MGAT4C: variants seen among roughly 807,000 people sequenced by gnomAD.
MGAT4C encodes the protein MGAT4 family member C, also known as alpha-1,3-mannosyl-glycoprotein 4-beta-N-acetylglucosaminyltransferase C.
Under a neutral mutation model 40.1 loss-of-function variants are expected in MGAT4C, and 19 were observed. That is an observed-to-expected ratio of 0.47 (90% CI 0.33 to 0.70). The LOEUF is 0.70. Among genes scored for constraint, MGAT4C ranks in the 30% least tolerant of loss-of-function variants. MGAT4C has a pLI of 0.02. For synonymous variants in MGAT4C, 181 were observed against 187.1 expected (o/e 0.97, Z 0.27); for missense variants, 491 against 563.2 (o/e 0.87, Z 1.30).
chr12:86,549,657 G>A (rs1283929885), intron 2 of MGAT4C, among the ~76,000 whole-genome samples: 1 of 152,174 alleles, frequency 6.6e-6, no homozygotes, highest in Non-Finnish European at 1.5e-5. Flanking sequence ...GGGTAGCTGA[G>A]TAACGTCAGC....
intron 1 of MGAT4C, among the ~76,000 whole-genome samples, chr12:86,822,790 A>T (rs1413635373): frequency 6.6e-6 from 1 of 151,218 alleles, no homozygotes; most frequent in Non-Finnish European, 1.5e-5. Context: ...AGATGACTTG[A>T]ACAACACTAT....
intron 2 of MGAT4C, among the ~76,000 whole-genome samples, chr12:86,577,807 C>T (rs746262952): frequency 2.0e-5 from 3 of 151,622 alleles, no homozygotes; most frequent in Non-Finnish European, 4.4e-5. Context: ...TTATTAAGTT[C>T]TCAAAACCAC....
At chr12:86,411,778 G>C (rs1479082639) in intron 3 of MGAT4C, among the ~76,000 whole-genome samples, 1 of 152,274 alleles carries the variant, frequency 6.6e-6, no homozygotes, top group Non-Finnish European at 1.5e-5. Context: ...AATGGGTAAA[G>C]GGCCTCAGAG....
At chr12:86,107,494 A>G (rs973530471) in intron 1 of MGAT4C, among the ~76,000 whole-genome samples, 4 of 152,210 alleles carry the variant, frequency 2.6e-5, no homozygotes, top group Admixed American at 2.6e-4. Flanking sequence ...AATAAAATAT[A>G]AAACGTATAT....
intron 1 of MGAT4C, among the ~76,000 whole-genome samples, chr12:86,754,639 A>G (rs1465002242): frequency 6.6e-6 from 1 of 152,146 alleles, no homozygotes; most frequent in African/African-American, 2.4e-5. Flanking sequence ...CCAAATAACT[A>G]TATTTATTGT....
chr12:86,213,045 T>G (rs1950544363), intron 1 of MGAT4C, among the ~76,000 whole-genome samples: 1 of 152,088 alleles, frequency 6.6e-6, no homozygotes, highest in Non-Finnish European at 1.5e-5. Flanking sequence ...CTTGCCATAT[T>G]TCCCAATGGA....
chr12:86,428,733 T>C (rs890877856), intron 3 of MGAT4C, among the ~76,000 whole-genome samples: 1 of 152,190 alleles, frequency 6.6e-6, no homozygotes, highest in East Asian at 1.9e-4. Flanking sequence ...CCATTTCTTA[T>C]ACAATATCCA....
intron 2 of MGAT4C, among the ~76,000 whole-genome samples, chr12:86,569,890 C>T (rs1960291587): frequency 6.6e-6 from 1 of 152,064 alleles, no homozygotes; most frequent in African/African-American, 2.4e-5. Flanking sequence ...CTACCTAAGA[C>T]TATCTAAGAC....
At chr12:86,111,605 G>C (rs1469638361) in intron 1 of MGAT4C, among the ~76,000 whole-genome samples, 2 of 151,810 alleles carry the variant, frequency 1.3e-5, no homozygotes, top group Non-Finnish European at 2.9e-5. Context: ...ATATGTGCTT[G>C]ATTCCCTTGA....
chr12:86,687,091 A>T (rs1950086208), intron 2 of MGAT4C, among the ~76,000 whole-genome samples: 1 of 152,154 alleles, frequency 6.6e-6, no homozygotes, highest in African/African-American at 2.4e-5. Flanking sequence ...TGTGTCCAGG[A>T]ATTTATCCAT....
chr12:86,232,040 G>T (rs1453143197), intron 1 of MGAT4C, among the ~76,000 whole-genome samples: 1 of 151,894 alleles, frequency 6.6e-6, no homozygotes, highest in Non-Finnish European at 1.5e-5. Flanking sequence ...TACTCAGAAG[G>T]CTGAGGCAAG....
At chr12:86,100,481 T>A (rs888582609) in intron 1 of MGAT4C, among the ~76,000 whole-genome samples, 1 of 151,372 alleles carries the variant, frequency 6.6e-6, no homozygotes, top group African/African-American at 2.4e-5. Context: ...AAAGACAATA[T>A]TTTCCCCTTT....
intron 2 of MGAT4C, among the ~76,000 whole-genome samples, chr12:86,557,254 A>G (rs1271089174): frequency 6.6e-6 from 1 of 152,196 alleles, no homozygotes; most frequent in African/African-American, 2.4e-5. Flanking sequence ...AGAAATAAAT[A>G]AATAATAACT....
chr12:86,440,798 T>C (rs1359617786), intron 2 of MGAT4C, among the ~76,000 whole-genome samples: 1 of 152,056 alleles, frequency 6.6e-6, no homozygotes, highest in African/African-American at 2.4e-5. Context: ...AATATCAATA[T>C]ACACAAATCA....
chr12:86,428,826 A>G (rs910884242), intron 3 of MGAT4C, among the ~76,000 whole-genome samples: 3 of 151,706 alleles, frequency 2.0e-5, no homozygotes, highest in African/African-American at 7.3e-5. Flanking sequence ...CTACTTTTTC[A>G]TTTCTGATTT....
intron 3 of MGAT4C, among the ~76,000 whole-genome samples, chr12:85,987,388 C>T (rs865825478): frequency 2.0e-4 from 31 of 152,006 alleles, no homozygotes; most frequent in South Asian, 8.3e-4. Flanking sequence ...CCGCCCGCCT[C>T]GGCCTCCCAA....
At chr12:86,295,390 T>C (rs1407304978) in intron 4 of MGAT4C, among the ~76,000 whole-genome samples, 1 of 152,164 alleles carries the variant, frequency 6.6e-6, no homozygotes, top group Non-Finnish European at 1.5e-5. Context: ...GTGTTACAGC[T>C]CTTAAGGCAG....
intron 4 of MGAT4C, among the ~76,000 whole-genome samples, chr12:85,982,666 A>G (rs1331860661): frequency 6.6e-6 from 1 of 152,172 alleles, no homozygotes; most frequent in East Asian, 1.9e-4. Flanking sequence ...TTGGCTCCAA[A>G]TATATTTTTT....
rs1188819148 is a variant in MGAT4C, at chr12:86,405,927, TATACATACA to T, written c.-120+29221_-120+29229del. ...ATAGGTAATATGTATGTATTTATAT[TATACATACA>T]TTTATAAATACATGTATGTATTTAT... On this transcript the variant is annotated intron_variant, in intron 3 of 7. Coordinates refer to the MGAT4C transcript ENST00000548651. Among the ~76,000 whole-genome samples the T allele has an allele frequency of 4.2e-3, 14 of 3,322 alleles. 1 individual carries two copies. The East Asian group carries it at 0.071, about 17-fold the overall frequency. The allele number at this position is 3,322 out of a possible 152,430, so 2.2% of individuals were successfully genotyped here.
Sources: allele counts gnomAD v4.1 joint callset (sites outside exome capture counted in the v4.1 genomes callset), GRCh38; gene constraint gnomAD v4.1.1; transcripts MANE v1.5; gene names NCBI Gene and HGNC (gene_info 2026-07-23, HGNC 2026-07-21).